SMAD3: variants seen among roughly 807,000 people sequenced by gnomAD.
The protein encoded by SMAD3 is SMAD family member 3.
Under a neutral mutation model 51.8 loss-of-function variants are expected in SMAD3, and 12 were observed. The observed-to-expected ratio is 0.23, with a 90% CI of 0.15 to 0.38. The LOEUF is 0.38. Ranked by LOEUF, SMAD3 falls within the 10% of genes least tolerant of loss-of-function variation. The pLI, the probability that SMAD3 is intolerant of heterozygous loss-of-function variation, is 1.00. For synonymous variants in SMAD3, 238 were observed against 227.7 expected, an observed-to-expected ratio of 1.05 and a Z score of -0.41; for missense variants, 294 against 565.6, an observed-to-expected ratio of 0.52 and a Z score of 4.87.
chr15:67,136,003 G>A (rs370364501), intron 1 of SMAD3, among the ~76,000 whole-genome samples: 7 of 152,040 alleles, frequency 4.6e-5, no homozygotes, highest in Admixed American at 4.6e-4. Flanking sequence ...AAATTGGTGT[G>A]TGTCCTTCCC....
intron 1 of SMAD3, among the ~76,000 whole-genome samples, chr15:67,101,145 G>A (rs768306089): frequency 6.6e-6 from 1 of 152,176 alleles, no homozygotes; most frequent in African/African-American, 2.4e-5. Context: ...TGTGCTACTC[G>A]CTTTGGGCAG....
At chr15:67,151,874 A>T (rs1962155526) in intron 1 of SMAD3, among the ~76,000 whole-genome samples, 1 of 152,152 alleles carries the variant, frequency 6.6e-6, no homozygotes. Flanking sequence ...TATGAATGTT[A>T]CTATGTATGT....
At chr15:67,146,879 A>C (rs1005230289) in intron 1 of SMAD3, 1 of 152,136 alleles carries the variant, frequency 6.6e-6, no homozygotes, top group African/African-American at 2.4e-5. Flanking sequence ...TTGATTTGGG[A>C]GCTAGATGGG....
chr15:67,164,110 G>A (rs1335045042), intron 1 of SMAD3, among the ~76,000 whole-genome samples: 2 of 151,862 alleles, frequency 1.3e-5, no homozygotes, highest in East Asian at 3.9e-4. Flanking sequence ...AGGAGATCGA[G>A]ACCATCCTGG....
chr15:67,143,436 T>G (rs1162491910), intron 1 of SMAD3, among the ~76,000 whole-genome samples: 1 of 152,196 alleles, frequency 6.6e-6, no homozygotes, highest in Non-Finnish European at 1.5e-5. Context: ...CATCAGAATT[T>G]TAGAGTTGTT....
Position 67,066,282 on chromosome 15 carries a change from A to G in SMAD3, c.128A>G (p.Lys43Arg). ...KAVKSLVKKL[K>R]KTGQLDELEK... ...GTCAAGAGCCTGGTCAAGAAACTCA[A>G]GAAGACGGGGCAGCTGGACGAGCTG... The change falls in exon 1 of 9, where the codon AAG (lysine) becomes AGG (arginine). Residue 43 changes from lysine to arginine, a missense_variant. Lys to Arg is a conservative substitution (Grantham distance 26, BLOSUM62 2). This residue lies in a region of SMAD3 where 147 missense variants were observed against 260.9 expected (regional missense o/e 0.56). Transcript: ENST00000327367. The G allele has an allele frequency of 6.2e-7, 1 of 1,613,792 alleles. No individual in the cohort carries two copies. Among genetic ancestry groups the G allele is most frequent in the Non-Finnish European group, 8.5e-7 (1 of 1,179,890 alleles).
chr15:67,166,470 T>A, intron 3 of SMAD3: 1 of 487,410 alleles, frequency 2.1e-6, no homozygotes, highest in Non-Finnish European at 3.8e-6. Flanking sequence ...CTGGAGGGGG[T>A]GGGGCTTAAC....
intron 1 of SMAD3, among the ~76,000 whole-genome samples, chr15:67,104,248 G>T (rs1332908961): frequency 6.6e-6 from 1 of 152,114 alleles, no homozygotes; most frequent in Admixed American, 6.6e-5. Flanking sequence ...GGTATTACAA[G>T]GTGCTCACTG....
intron 5 of SMAD3, among the ~76,000 whole-genome samples, chr15:67,171,571 T>C (rs1160805053): frequency 3.9e-5 from 6 of 152,220 alleles, no homozygotes; most frequent in African/African-American, 1.4e-4. Context: ...GGAAAAGAAA[T>C]AGTTAATATT....
chr15:67,118,747 T>G (rs1023580639), intron 1 of SMAD3, among the ~76,000 whole-genome samples: 6 of 152,212 alleles, frequency 3.9e-5, no homozygotes, highest in African/African-American at 1.2e-4. Context: ...GTTTCTGAGC[T>G]GTCTTTCAAG....
intron 1 of SMAD3, among the ~76,000 whole-genome samples, chr15:67,082,979 T>C (rs983046884): frequency 7.9e-5 from 12 of 152,226 alleles, no homozygotes; most frequent in African/African-American, 2.9e-4. Context: ...AGGGTTGGCA[T>C]GGGGTGGGCA....
chr15:67,090,274 G>A (rs1437864737), intron 1 of SMAD3, among the ~76,000 whole-genome samples: 1 of 152,108 alleles, frequency 6.6e-6, no homozygotes, highest in Non-Finnish European at 1.5e-5. Context: ...TCTCGAGTCC[G>A]ATTTTGCCAA....
intron 8 of SMAD3, among the ~76,000 whole-genome samples, chr15:67,189,484 A>G (rs1963304925): frequency 6.6e-6 from 1 of 152,180 alleles, no homozygotes; most frequent in Non-Finnish European, 1.5e-5. Flanking sequence ...CTGCCAGCAC[A>G]CCCAGTCCTC....
chr15:67,187,832 G>T (rs1963261198), intron 8 of SMAD3, among the ~76,000 whole-genome samples: 1 of 152,198 alleles, frequency 6.6e-6, no homozygotes, highest in Admixed American at 6.5e-5. Context: ...GGGAGGGAGA[G>T]TGACTTGCCT....
chr15:67,100,180 T>TTA (rs1555407336), intron 1 of SMAD3, among the ~76,000 whole-genome samples: 1 of 109,930 alleles, frequency 9.1e-6, no homozygotes, highest in Non-Finnish European at 1.8e-5. Context: ...AAACTCCATC[T>TTA]AAAAAAAAAA....
chr15:67,192,827 C>T lies in SMAD3; in HGVS notation c.*2291C>T. The T allele has an allele frequency of 4.3e-6, 1 of 233,264 alleles. No individual in the cohort carries two copies. Among genetic ancestry groups the T allele is most frequent in the Admixed American group, 5.6e-5 (1 of 17,804 alleles). 14.4% of individuals were successfully genotyped at this position (233,264 alleles called of 1,614,324 possible). A position where few individuals can be genotyped will look rare whatever the true frequency, so the allele number is the denominator to read the frequency against. ...GAATGTGATGAAATGACACGTTTGG[C>T]TGCATTTGGATGGTGTCTTAGAACC... On this transcript the variant is annotated 3_prime_UTR_variant, in exon 9 of 9. Transcript: ENST00000327367.
rs1362473449 is a variant in SMAD3 at position 67,066,335 on chromosome 15, A to T, written c.181A>T (p.Asn61Tyr). Residue 61 changes from asparagine to tyrosine, a missense_variant, in exon 1 of 9, where the codon AAC (asparagine) becomes TAC (tyrosine). By Grantham distance (143) the Asn-to-Tyr change is moderately radical. Coordinates refer to ENST00000327367, the MANE Select transcript of SMAD3 (RefSeq NM_005902.4). ...GAAGGCCATCACCACGCAGAACGTC[A>T]ACACCAAGTGCATCACCATCCCCAG... is the stretch of plus-strand genomic sequence containing the variant. ...LEKAITTQNVNTKCITIPRSL... is the reference protein window; with the variant it reads ...LEKAITTQNVYTKCITIPRSL... 1.2e-6 allele frequency: 2 copies of T among 1,613,254 alleles called. No homozygotes were observed. Among genetic ancestry groups the T allele is most frequent in the Admixed American group, 3.3e-5 (2 of 60,002 alleles).
intron 1 of SMAD3, among the ~76,000 whole-genome samples, chr15:67,102,630 A>G (rs1346061954): frequency 6.6e-6 from 1 of 151,514 alleles, no homozygotes; most frequent in African/African-American, 2.4e-5. Context: ...AGACCATCCA[A>G]TGTATGATGG....
At chr15:67,110,859 G>C (rs1304453774) in intron 1 of SMAD3, among the ~76,000 whole-genome samples, 1 of 152,196 alleles carries the variant, frequency 6.6e-6, no homozygotes, top group African/African-American at 2.4e-5. Context: ...GTGTACCCCT[G>C]ACCCAGATGT....
Sources: gnomAD v4.1 joint callset for allele counts (sites outside exome capture counted in the v4.1 genomes callset) on GRCh38, gnomAD v4.1.1 for gene constraint, gnomAD v4.1.1 regional missense constraint, MANE v1.5 for transcripts, NCBI Gene and HGNC (gene_info 2026-07-23, HGNC 2026-07-21) for gene names.